The following PIK3C2G variants were observed in gnomAD, a reference collection of about 807,000 sequenced individuals.
PIK3C2G encodes phosphatidylinositol 3-kinase C2 domain-containing subunit gamma.
A neutral mutation model predicts 181.1 loss-of-function variants in PIK3C2G; 168 were observed. The observed-to-expected ratio is 0.93, with a 90% CI of 0.82 to 1.05. The LOEUF (loss-of-function observed/expected upper bound fraction) is 1.05, where lower values mean the gene tolerates loss of function less well. Ranked by LOEUF, PIK3C2G falls within the 50% of genes least tolerant of loss-of-function variation. The probability of loss-of-function intolerance (pLI) is 0.00; values close to 1 mark genes in which losing one functional copy is unlikely to be tolerated. For missense variants in PIK3C2G, 1,869 were observed against 1,732.8 expected (o/e 1.08, Z -1.40); for synonymous variants, 573 against 592.2 (o/e 0.97, Z 0.47).
intron 30 of PIK3C2G, among the ~76,000 whole-genome samples, chr12:18,608,258 G>A (rs1211640169): frequency 3.9e-5 from 6 of 151,996 alleles, no homozygotes; most frequent in African/African-American, 4.8e-5. Flanking sequence ...ACATGCACAC[G>A]TATGTTTATT....
At chr12:18,605,010 A>G (rs932404542) in intron 30 of PIK3C2G, among the ~76,000 whole-genome samples, 1 of 152,114 alleles carries the variant, frequency 6.6e-6, no homozygotes, top group African/African-American at 2.4e-5. Context: ...CCAAACCCAC[A>G]CTCAGCAGAA....
At chr12:18,726,506 G>T in the PIK3C2G span, among the ~76,000 whole-genome samples, 1 of 152,108 alleles carries the variant, frequency 6.6e-6, no homozygotes, top group Non-Finnish European at 1.5e-5. Flanking sequence ...GACCTACCTA[G>T]AGGAGGAGCT....
At chr12:18,556,665 TAG>T (rs1404360427) in intron 26 of PIK3C2G, among the ~76,000 whole-genome samples, 1 of 152,164 alleles carries the variant, frequency 6.6e-6, no homozygotes, top group Admixed American at 6.6e-5. Context: ...GAATGAATGG[TAG>T]AGTCTCCATA....
intron 14 of PIK3C2G, among the ~76,000 whole-genome samples, chr12:18,388,992 T>G (rs1240828626): frequency 2.6e-5 from 4 of 152,128 alleles, no homozygotes; most frequent in African/African-American, 9.7e-5. Flanking sequence ...GCCAGGAATG[T>G]GAGAAATAGA....
At chr12:18,379,833 C>T (rs1199805812) in intron 13 of PIK3C2G, among the ~76,000 whole-genome samples, 1 of 152,126 alleles carries the variant, frequency 6.6e-6, no homozygotes, top group Non-Finnish European at 1.5e-5. Context: ...TTGGATGGTC[C>T]TATCACATGC....
At chr12:18,708,135 C>A in the PIK3C2G span, among the ~76,000 whole-genome samples, 1 of 152,282 alleles carries the variant, frequency 6.6e-6, no homozygotes, top group African/African-American at 2.4e-5. Context: ...ATATGTGCTA[C>A]TTTGTAGCCT....
At chr12:18,655,750 G>GA in the PIK3C2G span, among the ~76,000 whole-genome samples, 65 of 145,152 alleles carry the variant, frequency 4.5e-4, no homozygotes, top group South Asian at 3.5e-3. Flanking sequence ...ACCTTATCAT[G>GA]AAAAAAAAAA....
chr12:18,672,801 C>G, the PIK3C2G span, among the ~76,000 whole-genome samples: 1 of 152,138 alleles, frequency 6.6e-6, no homozygotes, highest in Non-Finnish European at 1.5e-5. Context: ...CCTAACCTAA[C>G]AGGAGCAAGA....
the PIK3C2G span, among the ~76,000 whole-genome samples, chr12:18,718,048 T>G: frequency 8.5e-5 from 13 of 152,120 alleles, no homozygotes; most frequent in East Asian, 5.8e-4. Flanking sequence ...TGCCAGTTTT[T>G]GGGGGTGCTT....
At chr12:18,277,849 A>T (rs766185904) in intron 1 of PIK3C2G, among the ~76,000 whole-genome samples, 2 of 152,138 alleles carry the variant, frequency 1.3e-5, no homozygotes, top group Non-Finnish European at 2.9e-5. Flanking sequence ...TTCTCTTTGA[A>T]GCCAGATAAG....
chr12:18,370,399 G>A (rs754477651), intron 12 of PIK3C2G, among the ~76,000 whole-genome samples: 7 of 152,028 alleles, frequency 4.6e-5, no homozygotes, highest in African/African-American at 7.2e-5. Flanking sequence ...ATCTGAGCTC[G>A]GAGAGTCTTG....
At chr12:18,532,343 C>T (rs1375924883) in intron 24 of PIK3C2G, among the ~76,000 whole-genome samples, 2 of 152,052 alleles carry the variant, frequency 1.3e-5, no homozygotes, top group Non-Finnish European at 1.5e-5. Context: ...GTCTTTTCAT[C>T]TCCTTATTAT....
At chr12:18,278,012 G>A (rs912523194) in intron 1 of PIK3C2G, among the ~76,000 whole-genome samples, 8 of 152,042 alleles carry the variant, frequency 5.3e-5, no homozygotes, top group African/African-American at 1.7e-4. Context: ...ATAATAGAGA[G>A]CTTTTTTGTG....
At chr12:18,389,768 C>T (rs775685966) in intron 14 of PIK3C2G, among the ~76,000 whole-genome samples, 2 of 152,050 alleles carry the variant, frequency 1.3e-5, no homozygotes, top group Non-Finnish European at 2.9e-5. Flanking sequence ...AAAGATCTCA[C>T]GTATCAGAAA....
At chr12:18,533,894 A>T (rs1943692291) in intron 24 of PIK3C2G, among the ~76,000 whole-genome samples, 1 of 151,920 alleles carries the variant, frequency 6.6e-6, no homozygotes, top group South Asian at 2.1e-4. Context: ...CTAGAAGGAA[A>T]ACATGTGAAA....
chr12:18,522,975 C>G (rs752363289), intron 24 of PIK3C2G, among the ~76,000 whole-genome samples: 1 of 151,878 alleles, frequency 6.6e-6, no homozygotes, highest in Non-Finnish European at 1.5e-5. Context: ...TTTCAGATGT[C>G]CTGTCTTTGT....
the PIK3C2G span, chr12:18,683,201 C>T: frequency 3.2e-5 from 50 of 1,550,356 alleles, no homozygotes; most frequent in East Asian, 9.0e-5. Flanking sequence ...TGTTTTATTG[C>T]GATGCATAGC....
chr12:18,354,063 C>T (rs906622958), intron 11 of PIK3C2G, among the ~76,000 whole-genome samples: 1 of 152,246 alleles, frequency 6.6e-6, no homozygotes, highest in Non-Finnish European at 1.5e-5. Context: ...AACCAAATCA[C>T]TCTGTCACTT....
rs12304134 is a variant in PIK3C2G at position 18,351,555 on chromosome 12, G to A, written c.1625+4719G>A. On this transcript the variant is annotated intron_variant, in intron 11 of 32. Transcript: ENST00000538779. ...CATCATAGTACTTACTATTAACTGA[G>A]CACATTCTGTGAGTTTTGCGCTGGG... 3.9e-3 allele frequency among the ~76,000 whole-genome samples: 601 copies of A among 152,246 alleles called. 1 individual carries two copies. Among genetic ancestry groups the A allele is most frequent in the African/African-American group, 0.014 (565 of 41,540 alleles).
Sources: gnomAD v4.1 joint callset for allele counts (sites outside exome capture counted in the v4.1 genomes callset) on GRCh38, gnomAD v4.1.1 for gene constraint, MANE v1.5 for transcripts, NCBI Gene and HGNC (gene_info 2026-07-23, HGNC 2026-07-21) for gene names.